Variants in ZNF99 observed in about 807,000 individuals in gnomAD.
ZNF99 encodes the protein zinc finger protein ENSP00000375192.
In ZNF99, 8 loss-of-function variants were observed where a neutral mutation model predicts 12.8. The observed-to-expected ratio is 0.62, with a 90% CI of 0.37 to 1.13. The LOEUF is 1.13. Among genes scored for constraint, ZNF99 ranks in the 50% most tolerant of loss-of-function variants. The pLI is 0.02. For synonymous variants in ZNF99, 318 were observed against 319.0 expected (o/e 1.00, Z 0.03); for missense variants, 1,007 against 1,006.2 (o/e 1.00, Z -0.01).
At chr19:22,777,155 A>G (rs538809369) in intron 1 of ZNF99, among the ~76,000 whole-genome samples, 4 of 152,308 alleles carry the variant, frequency 2.6e-5, no homozygotes, top group South Asian at 4.1e-4. Context: ...TTCAAAAAAT[A>G]AAATAAAGTA....
chr19:22,759,129 T>C lies in ZNF99; in HGVS notation c.780A>G (p.Glu260=). 1.9e-6 allele frequency: 3 copies of C among 1,611,702 alleles called. No individual in the cohort carries two copies. The highest frequency in any genetic ancestry group is 2.5e-6 in the Non-Finnish European group (3 of 1,178,820). The change falls in exon 4 of 4, where the codon GAA becomes GAG. Residue 260 remains glutamate (E), a synonymous_variant. Transcript: ENST00000596209. ...IHTGKKPCKC[E]ECGKVFNNSS... is the part of the protein sequence containing the mutation. ...AATTGTTAAAAACTTTGCCACATTC[T>C]TCACATTTGCAGGGTTTCTTTCCAG... is the stretch of plus-strand genomic sequence containing the variant.
intron 1 of ZNF99, among the ~76,000 whole-genome samples, chr19:22,783,626 T>C (rs1973414752): frequency 1.3e-5 from 2 of 152,136 alleles, no homozygotes; most frequent in Non-Finnish European, 2.9e-5. Context: ...CAATTTTTAA[T>C]AGGAGAAAAG....
intron 1 of ZNF99, among the ~76,000 whole-genome samples, chr19:22,775,242 GC>G (rs1442282674): frequency 1.3e-5 from 2 of 152,028 alleles, no homozygotes; most frequent in African/African-American, 4.8e-5. Flanking sequence ...AGAATAGAGA[GC>G]CCAGAAATAA....
chr19:22,760,571 C>T lies in ZNF99; in HGVS notation c.227-889G>A, dbSNP rs143811834. On this transcript the variant is annotated intron_variant, in intron 3 of 3. Transcript: ENST00000596209. ...CATTCTGGCTAACACGGTGAAACCG[C>T]GTCTCCACTAAAAATACAAAAAATT... Among the ~76,000 whole-genome samples the T allele has an allele frequency of 5.4e-3, 824 of 152,086 alleles. 7 individuals carry two copies. The highest frequency in any genetic ancestry group is 9.2e-3 in the Admixed American group (141 of 15,260).
chr19:22,771,917 C>T (rs1599447487), intron 1 of ZNF99, among the ~76,000 whole-genome samples: 1 of 148,728 alleles, frequency 6.7e-6, no homozygotes, highest in African/African-American at 2.5e-5. Flanking sequence ...AGGGTTTCAC[C>T]ATATTGGCCA....
chr19:22,773,371 A>T (rs1268644696), intron 1 of ZNF99, among the ~76,000 whole-genome samples: 2 of 152,180 alleles, frequency 1.3e-5, no homozygotes, highest in East Asian at 3.9e-4. Context: ...TTAAACCTGA[A>T]CGTGACATGC....
At chr19:22,769,987 A>G in intron 1 of ZNF99, 1 of 1,358,340 alleles carries the variant, frequency 7.4e-7, no homozygotes, top group South Asian at 1.2e-5. Context: ...AGACATGTTG[A>G]GTTAGAAGAC....
chr19:22,763,036 TGAG>T (rs1339347568), intron 3 of ZNF99, among the ~76,000 whole-genome samples: 1 of 152,052 alleles, frequency 6.6e-6, no homozygotes, highest in Non-Finnish European at 1.5e-5. Flanking sequence ...TAATACTGAA[TGAG>T]GAGAAGTTGA....
intron 1 of ZNF99, among the ~76,000 whole-genome samples, chr19:22,771,685 C>G (rs910818475): frequency 1.4e-5 from 2 of 147,774 alleles, no homozygotes; most frequent in Non-Finnish European, 3.0e-5. Context: ...GTATCCACAC[C>G]TTCCCCTATT....
chr19:22,764,129 G>T (rs1336616492), intron 3 of ZNF99, among the ~76,000 whole-genome samples: 4 of 151,700 alleles, frequency 2.6e-5, no homozygotes, highest in Admixed American at 2.6e-4. Flanking sequence ...GGCTGGTCTT[G>T]AACTCCTGAC....
At chr19:22,769,135 A>G in intron 2 of ZNF99, 63 bp downstream of exon 2, 1 of 1,526,956 alleles carries the variant, frequency 6.5e-7, no homozygotes, top group South Asian at 1.2e-5. Context: ...AACACATCCT[A>G]CAGAAAAGAG....
intron 1 of ZNF99, among the ~76,000 whole-genome samples, 187 bp downstream of exon 1, chr19:22,783,827 C>A (rs1973417483): frequency 6.6e-6 from 1 of 152,100 alleles, no homozygotes; most frequent in Non-Finnish European, 1.5e-5. Flanking sequence ...AGGCAGGTCG[C>A]CCGGGGTCCC....
In ZNF99 at chr19:22,753,781, G is replaced by A. The variant is rs1223331189; in HGVS notation, c.*3533C>T. 4.6e-6 allele frequency: 1 copy of A among 216,380 alleles called. No individual in the cohort carries two copies. Among genetic ancestry groups the A allele is most frequent in the Non-Finnish European group, 9.5e-6 (1 of 105,532 alleles). 13.4% of individuals were successfully genotyped at this position (216,380 alleles called of 1,614,324 possible). ...TAATGGCTTTTCCACATTCTTCATAGGTGTACATTTTTTTTCAAGTATAAA... is the reference window on the plus strand; with the variant it reads ...TAATGGCTTTTCCACATTCTTCATAAGTGTACATTTTTTTTCAAGTATAAA... On this transcript the variant is annotated 3_prime_UTR_variant, in exon 4 of 4. Transcript: ENST00000596209.
rs1420557730 is a variant in ZNF99 at position 22,755,910 on chromosome 19, A to G, written c.*1404T>C. ...TAGGAATTCTCTCATTTTGAGTAACAGCTGAGCAATGGTTAAAAGCTTTGT... is the reference window on the plus strand; with the variant it reads ...TAGGAATTCTCTCATTTTGAGTAACGGCTGAGCAATGGTTAAAAGCTTTGT... On this transcript the variant is annotated 3_prime_UTR_variant, in exon 4 of 4. Coordinates refer to ENST00000596209, the MANE Select transcript of ZNF99 (RefSeq NM_001080409.3). 4 of 351,492 alleles carry G rather than the reference A, an allele frequency of 1.1e-5. No homozygotes were observed. Among genetic ancestry groups the G allele is most frequent in the African/African-American group, 8.4e-5 (4 of 47,340 alleles). The allele number at this position is 351,492 out of a possible 1,614,324, so 21.8% of individuals were successfully genotyped here. A position where few individuals can be genotyped will look rare whatever the true frequency, so the allele number is the denominator to read the frequency against.
rs750775030 is a variant in ZNF99 at position 22,759,586 on chromosome 19, T to G, written c.323A>C (p.His108Pro). Reference protein sequence around the residue: ...IILRTYARCGHKNLRLRKDCE... With the variant: ...IILRTYARCGPKNLRLRKDCE... ...ATCTTTTCTTAATCGTAAATTCTTA[T>G]GTCCACATCTTGCATATGTTCTCAA... Residue 108 changes from histidine (H) to proline (P), a missense_variant, in exon 4 of 4, where the codon CAT (histidine) becomes CCT (proline). Transcript: ENST00000596209. The G allele has an allele frequency of 8.7e-6, 14 of 1,611,536 alleles. No homozygotes were observed. The highest frequency in any genetic ancestry group is 1.1e-5 in the Non-Finnish European group (13 of 1,179,254).
Position 22,784,034 on chromosome 19 carries a change from G to A in ZNF99, c.-18C>T. Reference sequence around the variant, plus strand: ...CTCACCATTTCTAAGCTTCCAGGGGGTCCTGGCGTCCTAGCTGTGGATCTC... The same window carrying A: ...CTCACCATTTCTAAGCTTCCAGGGGATCCTGGCGTCCTAGCTGTGGATCTC... On this transcript the variant is annotated 5_prime_UTR_variant, in exon 1 of 4. Coordinates refer to ENST00000596209, the MANE Select transcript of ZNF99 (RefSeq NM_001080409.3). 1 of 1,613,604 alleles carries A rather than the reference G, an allele frequency of 6.2e-7. No homozygotes were observed. The highest frequency in any genetic ancestry group is 8.5e-7 in the Non-Finnish European group (1 of 1,179,836).
rs1972989384 is a variant in ZNF99 at position 22,752,899 on chromosome 19, C to T, written c.*4415G>A. ...TCCTCAGAACACCTACCTCATACAT[C>T]ACTCAATATTTTAAGTTAACCACAA... On this transcript the variant is annotated 3_prime_UTR_variant, in exon 4 of 4. Transcript: ENST00000596209. The T allele has an allele frequency of 1.3e-5, 2 of 152,074 alleles. No homozygotes were observed. Among genetic ancestry groups the T allele is most frequent in the African/African-American group, 4.8e-5 (2 of 41,436 alleles). The allele number at this position is 152,074 out of a possible 1,614,324, so 9.4% of individuals were successfully genotyped here.
intron 3 of ZNF99, among the ~76,000 whole-genome samples, chr19:22,765,533 CG>C (rs890546361): frequency 1.6e-4 from 24 of 150,290 alleles, no homozygotes; most frequent in African/African-American, 5.6e-4. Context: ...TACTTGAAGA[CG>C]AAAAAAAAGA....
Position 22,753,244 on chromosome 19 carries a change from CTCT to C in ZNF99, c.*4067_*4069del, listed in dbSNP as rs1294773599. The C allele has an allele frequency of 3.3e-5, 5 of 151,780 alleles. No individual in the cohort carries two copies. Among genetic ancestry groups the C allele is most frequent in the South Asian group, 4.2e-4 (2 of 4,818 alleles). The allele number at this position is 151,780 out of a possible 1,614,324, so 9.4% of individuals were successfully genotyped here. A position where few individuals can be genotyped will look rare whatever the true frequency, so the allele number is the denominator to read the frequency against. ...TTATAATTCTCCAAAAAATCACCTC[CTCT>C]TTTTTAAGTTATATGCAAATAACTT... On this transcript the variant is annotated 3_prime_UTR_variant, in exon 4 of 4. Transcript: ENST00000596209.
Sources: gnomAD v4.1 joint callset for allele counts (sites outside exome capture counted in the v4.1 genomes callset) on GRCh38, gnomAD v4.1.1 for gene constraint, MANE v1.5 for transcripts, NCBI Gene and HGNC (gene_info 2026-07-23, HGNC 2026-07-21) for gene names.